FARP1: variants seen among roughly 807,000 people sequenced by gnomAD.
FARP1 encodes FERM, ARHGEF and pleckstrin domain-containing protein 1.
FARP1 carries 52 observed loss-of-function variants against 128.8 expected under a neutral mutation model. The ratio of observed to expected loss-of-function variants is 0.40; its 90% CI spans 0.32 to 0.51. FARP1 has a LOEUF of 0.51. FARP1 is among the 20% of genes least tolerant of loss of function. The pLI is 0.45. For synonymous variants in FARP1, 580 were observed against 551.8 expected (o/e 1.05, Z -0.72); for missense variants, 1,333 against 1,367.9 (o/e 0.97, Z 0.40).
Position 98,149,925 on chromosome 13 carries a change from G to A in FARP1, c.-24+6433G>A, listed in dbSNP as rs1474344524. Among the ~76,000 whole-genome samples, 5 of 150,926 alleles carry A rather than the reference G, an allele frequency of 3.3e-5. No homozygotes were observed. In the South Asian group the frequency reaches 1.0e-3, roughly 32 times the overall value. On this transcript the variant is annotated intron_variant, in intron 1 of 26. Transcript: ENST00000319562. ...GCTAATTTTTTGTATTTTTAGTAGAGACAGGGTTTCACCATGTTAGCCAGG... is the reference window on the plus strand; with the variant it reads ...GCTAATTTTTTGTATTTTTAGTAGAAACAGGGTTTCACCATGTTAGCCAGG...
intron 1 of FARP1, among the ~76,000 whole-genome samples, chr13:98,146,997 A>G (rs1875616201): frequency 6.6e-6 from 1 of 152,192 alleles, no homozygotes; most frequent in Admixed American, 6.5e-5. Flanking sequence ...CATGGCCAGG[A>G]AGATCAGAGC....
chr13:98,358,615 A>G (rs937921676), intron 3 of FARP1, among the ~76,000 whole-genome samples: 1 of 152,150 alleles, frequency 6.6e-6, no homozygotes, highest in African/African-American at 2.4e-5. Flanking sequence ...ATTACAAAGA[A>G]TTCAAAGTAA....
chr13:98,265,597 G>A (rs1884077927), intron 2 of FARP1, among the ~76,000 whole-genome samples: 1 of 151,978 alleles, frequency 6.6e-6, no homozygotes. Flanking sequence ...GGGATTACAG[G>A]CGTGAGCCAC....
chr13:98,186,053 C>T (rs543738185), intron 1 of FARP1, among the ~76,000 whole-genome samples: 1 of 152,186 alleles, frequency 6.6e-6, no homozygotes, highest in African/African-American at 2.4e-5. Flanking sequence ...TCAGTGCACT[C>T]ACATTATTGT....
At chr13:98,156,923 T>C (rs1251905954) in intron 1 of FARP1, among the ~76,000 whole-genome samples, 1 of 152,090 alleles carries the variant, frequency 6.6e-6, no homozygotes, top group Non-Finnish European at 1.5e-5. Context: ...GTCACTGAAA[T>C]AGCAAAAACC....
chr13:98,380,550 C>A (rs1331783245), intron 6 of FARP1, among the ~76,000 whole-genome samples: 1 of 151,938 alleles, frequency 6.6e-6, no homozygotes, highest in East Asian at 1.9e-4. Context: ...GTACATATAT[C>A]AAAAGATGAT....
chr13:98,438,656 T>C (rs1212977354), intron 19 of FARP1, 148 bp from the exon 20 acceptor site: 1 of 639,124 alleles, frequency 1.6e-6, no homozygotes, highest in Non-Finnish European at 2.8e-6. Context: ...GCCAGTAGGT[T>C]TGCACGCTCG....
In FARP1 at chr13:98,440,689, C is replaced by T. The variant is rs761331249; in HGVS notation, c.2649C>T (p.Thr883=). The T allele has an allele frequency of 1.7e-5, 28 of 1,612,776 alleles. No homozygotes were observed. The highest frequency in any genetic ancestry group is 6.7e-5 in the African/African-American group (5 of 74,924). ...PPDNKSPDEA[T]AADQESEDDL... The stretch of plus-strand genomic sequence containing the variant: ...CTGTAGAGTCCCCTGATGAAGCCAC[C>T]GCGGCTGACCAGGAGTCAGAGGATG... Residue 883 remains threonine (T), a synonymous_variant, in exon 24 of 27, where the codon ACC becomes ACT. Transcript: ENST00000319562.
rs1250309761 is a variant in FARP1 at position 98,395,334 on chromosome 13, G to C, written c.1272G>C (p.Ser424=). The part of the protein sequence containing the change: ...EPKVSAGEPG[S]HPSPAPRRSP... ...AGGTTTCCGCCGGGGAGCCGGGGTC[G>C]CACCCGAGCCCTGCGCCGAGGAGAA... The change falls in exon 13 of 27, where the codon TCG becomes TCC. Residue 424 remains serine, a synonymous_variant. Transcript: ENST00000319562. 2 of 1,609,916 alleles carry C rather than the reference G, an allele frequency of 1.2e-6. No individual in the cohort carries two copies. The highest frequency in any genetic ancestry group is 1.7e-6 in the Non-Finnish European group (2 of 1,177,484).
intron 3 of FARP1, among the ~76,000 whole-genome samples, chr13:98,350,262 A>G (rs371299116): frequency 6.6e-6 from 1 of 152,204 alleles, no homozygotes; most frequent in Non-Finnish European, 1.5e-5. Context: ...CCAGCTCTCA[A>G]GTGGGAAGGA....
chr13:98,207,907 TCCACACACAC>T (rs1369016266), intron 1 of FARP1, among the ~76,000 whole-genome samples: 17 of 33,150 alleles, frequency 5.1e-4, no homozygotes, highest in African/African-American at 2.0e-3. Flanking sequence ...GACCACCACC[TCCACACACAC>T]ACACACACAC....
At chr13:98,257,055 TA>T (rs1566801338) in intron 2 of FARP1, among the ~76,000 whole-genome samples, 1 of 148,994 alleles carries the variant, frequency 6.7e-6, no homozygotes, top group East Asian at 2.0e-4. Context: ...TATACATCTC[TA>T]AAAGATCAAG....
intron 2 of FARP1, among the ~76,000 whole-genome samples, chr13:98,222,368 C>T (rs542976729): frequency 5.3e-5 from 8 of 152,278 alleles, no homozygotes; most frequent in African/African-American, 1.4e-4. Context: ...CAAGTCTGCC[C>T]GTACATTATC....
chr13:98,182,762 G>A lies in FARP1; in HGVS notation c.-23-30458G>A, dbSNP rs115927128. ...CGAGTACCAAGGTCTTGGGCCACAC[G>A]TTCTTGCCCTCAGAATTTCTTAGAC... On this transcript the variant is annotated intron_variant, in intron 1 of 26. Transcript: ENST00000319562. Among the ~76,000 whole-genome samples, 656 of 152,328 alleles carry A rather than the reference G, an allele frequency of 4.3e-3. 6 individuals carry two copies. Among genetic ancestry groups the A allele is most frequent in the African/African-American group, 0.015 (609 of 41,576 alleles).
intron 2 of FARP1, among the ~76,000 whole-genome samples, chr13:98,291,335 T>G (rs1008564822): frequency 5.3e-5 from 8 of 152,008 alleles, no homozygotes; most frequent in African/African-American, 1.9e-4. Context: ...TCATGTTGAG[T>G]GGGCTGAGGA....
intron 2 of FARP1, among the ~76,000 whole-genome samples, chr13:98,237,451 A>G (rs7329785): frequency 0.13 from 20,509 of 152,224 alleles, 3,335 homozygotes; most frequent in East Asian, 0.47. Context: ...TAGTAACACT[A>G]TACTACTGTC....
chr13:98,446,850 C>T lies in FARP1; in HGVS notation c.3056+33C>T, dbSNP rs760867747. The T allele has an allele frequency of 1.2e-5, 19 of 1,608,178 alleles. No individual in the cohort carries two copies. In the East Asian group the frequency reaches 2.2e-4, roughly 19 times the overall value. On this transcript the variant is annotated intron_variant, in intron 26 of 26. Transcript: ENST00000319562. The stretch of plus-strand genomic sequence containing the variant: ...CCCCCTTCCCACGCACAGGGCCCTG[C>T]AGAAGAGGACCCCCTCTTCCAAACA...
At chr13:98,315,750 G>A (rs1886692410) in intron 2 of FARP1, among the ~76,000 whole-genome samples, 1 of 152,216 alleles carries the variant, frequency 6.6e-6, no homozygotes, top group African/African-American at 2.4e-5. Flanking sequence ...AGTCACTGCA[G>A]TGAGGAGACT....
intron 1 of FARP1, among the ~76,000 whole-genome samples, chr13:98,150,327 G>A (rs61273492): frequency 0.09 from 13,700 of 152,156 alleles, 789 homozygotes; most frequent in African/African-American, 0.15. Context: ...CACTGCGTCC[G>A]GCAGATCTTT....
Sources: gnomAD v4.1 joint callset for allele counts (sites outside exome capture counted in the v4.1 genomes callset) on GRCh38, gnomAD v4.1.1 for gene constraint, MANE v1.5 for transcripts, NCBI Gene and HGNC (gene_info 2026-07-23, HGNC 2026-07-21) for gene names.